SLC6A3: variants seen among roughly 807,000 people sequenced by gnomAD.
SLC6A3 encodes the protein sodium-dependent dopamine transporter.
In SLC6A3, 19 loss-of-function variants were observed where a neutral mutation model predicts 70.4. The observed-to-expected ratio is 0.27, with a 90% CI of 0.19 to 0.40. SLC6A3 has a LOEUF of 0.40. SLC6A3 is among the 10% of genes least tolerant of loss of function. SLC6A3 has a pLI of 1.00. For synonymous variants in SLC6A3, 368 were observed against 356.6 expected (o/e 1.03, Z -0.36); for missense variants, 613 against 838.5 (o/e 0.73, Z 3.32).
rs1342892258 is a variant in SLC6A3 at position 1,413,444 on chromosome 5, A to T, written c.1156+1247T>A. On this transcript the variant is annotated intron_variant, in intron 8 of 14. Transcript: ENST00000270349. This position sits in a 1 kb window ranked among gnomAD's most constrained non-coding sequence, Gnocchi z 7.1. ...GGGTCCTAGTGCCCCACTCTGTGAG[A>T]CTCAGGTGCGGTCAAGGCTGCCCCC... is the stretch of plus-strand genomic sequence containing the variant. Among the ~76,000 whole-genome samples, 1 of 151,930 alleles carries T rather than the reference A, an allele frequency of 6.6e-6. No homozygotes were observed. The highest frequency in any genetic ancestry group is 1.5e-5 in the Non-Finnish European group (1 of 67,980).
At chr5:1,432,381 G>T (rs1756723890) in intron 4 of SLC6A3, 83 bp downstream of exon 4, 4 of 1,003,132 alleles carry the variant, frequency 4.0e-6, no homozygotes, top group Non-Finnish European at 3.1e-6. Flanking sequence ...GAGTCAGCAA[G>T]GGCTGGTGTC....
Position 1,408,015 on chromosome 5 carries a change from T to G in SLC6A3, c.1498+1011A>C, listed in dbSNP as rs2126335975. Among the ~76,000 whole-genome samples, 1 of 152,218 alleles carries G rather than the reference T, an allele frequency of 6.6e-6. No homozygotes were observed. Among genetic ancestry groups the G allele is most frequent in the South Asian group, 2.1e-4 (1 of 4,816 alleles). ...GGATCCACACATTTTTTTTTTTCTT[T>G]TTTGAGACGGAGTCTCACTCTGTTG... On this transcript the variant is annotated intron_variant, in intron 11 of 14. Transcript: ENST00000270349. The surrounding 1 kb of genome is among the most constrained non-coding windows in gnomAD (Gnocchi z 6.4).
At position 1,401,211 on chromosome 5, in the gene SLC6A3, C is replaced by T; in HGVS notation, c.1768-225G>A. ...AGCCAGTCAGGCCCGAAGCCAACAT[C>T]CTGACGGTCCCCTTAAAGTCTAGCG... is the stretch of plus-strand genomic sequence containing the variant. On this transcript the variant is annotated intron_variant, in intron 13 of 14. Transcript: ENST00000270349. This position sits in a 1 kb window ranked among gnomAD's most constrained non-coding sequence, Gnocchi z 6.1. 4.3e-6 allele frequency: 3 copies of T among 696,962 alleles called. No individual in the cohort carries two copies. The highest frequency in any genetic ancestry group is 7.9e-6 in the Non-Finnish European group (3 of 381,532). 43.2% of individuals were successfully genotyped at this position (696,962 alleles called of 1,614,324 possible). A position where few individuals can be genotyped will look rare whatever the true frequency, so the allele number is the denominator to read the frequency against.
intron 4 of SLC6A3, among the ~76,000 whole-genome samples, chr5:1,423,863 A>G (rs1189449869): frequency 6.6e-6 from 1 of 152,116 alleles, no homozygotes; most frequent in African/African-American, 2.4e-5. Context: ...TTATGAAAGG[A>G]GCTCCCACTG....
chr5:1,401,998 G>C lies in SLC6A3; in HGVS notation c.1767+924C>G, dbSNP rs867105588. Among the ~76,000 whole-genome samples the C allele has an allele frequency of 6.6e-6, 1 of 152,210 alleles. No homozygotes were observed. Among genetic ancestry groups the C allele is most frequent in the South Asian group, 2.1e-4 (1 of 4,836 alleles). On this transcript the variant is annotated intron_variant, in intron 13 of 14. Transcript: ENST00000270349. This position sits in a 1 kb window ranked among gnomAD's most constrained non-coding sequence, Gnocchi z 6.1. ...CTGTGCTTTGCCTGCACTGGGCCTT[G>C]GCCTGGCCAGGCTGCTGGAGAGACT...
At chr5:1,412,132 C>G (rs1166279144) in intron 8 of SLC6A3, among the ~76,000 whole-genome samples, 3 of 152,262 alleles carry the variant, frequency 2.0e-5, no homozygotes, top group African/African-American at 4.8e-5. Flanking sequence ...GCCTTCCAGG[C>G]ACATGAGGAA....
At position 1,414,689 on chromosome 5, in the gene SLC6A3, A is replaced by G; in HGVS notation, c.1156+2T>C. 1 of 1,612,310 alleles carries G rather than the reference A, an allele frequency of 6.2e-7. No individual in the cohort carries two copies. The highest frequency in any genetic ancestry group is 8.5e-7 in the Non-Finnish European group (1 of 1,179,708). The stretch of plus-strand genomic sequence containing the variant: ...GGCCCAGGTGCAGCAGGAGGGGCTC[A>G]CCGTCCTTGGCCACGTCCCCGATGG... On this transcript the variant is annotated splice_donor_variant, in intron 8 of 14. Transcript: ENST00000270349. LOFTEE classifies it high-confidence loss of function.
intron 11 of SLC6A3, among the ~76,000 whole-genome samples, chr5:1,407,708 G>GT (rs1339130250): frequency 6.6e-6 from 1 of 152,210 alleles, no homozygotes; most frequent in Non-Finnish European, 1.5e-5. Flanking sequence ...GAAGGTCTAT[G>GT]TTTTGTTCAG....
chr5:1,428,701 C>T (rs1161668766), intron 4 of SLC6A3, among the ~76,000 whole-genome samples: 1 of 152,180 alleles, frequency 6.6e-6, no homozygotes, highest in Non-Finnish European at 1.5e-5. Context: ...CATTTGCCAA[C>T]CCTGAGGAAC....
chr5:1,410,897 T>C (rs949751706), intron 9 of SLC6A3, among the ~76,000 whole-genome samples: 1 of 152,008 alleles, frequency 6.6e-6, no homozygotes, highest in Non-Finnish European at 1.5e-5. Flanking sequence ...TGCATGCATG[T>C]GCATGGTGGT....
chr5:1,410,950 A>ATG (rs367736576), intron 9 of SLC6A3, among the ~76,000 whole-genome samples: 6 of 146,930 alleles, frequency 4.1e-5, no homozygotes, highest in African/African-American at 1.2e-4. Context: ...GTGTGCGTGT[A>ATG]TGTGTGTGTG....
In SLC6A3 at chr5:1,442,611, C is replaced by A. The variant is rs1477992609; in HGVS notation, c.286+301G>T. On this transcript the variant is annotated intron_variant, in intron 2 of 14. Coordinates refer to ENST00000270349, the MANE Select transcript of SLC6A3 (RefSeq NM_001044.5). The surrounding 1 kb of genome is among the most constrained non-coding windows in gnomAD (Gnocchi z 5.0). ...AATTTTCTTTCCAAAGCGAAGATAG[C>A]CTCTGGAAACAGGAGGCAGAGCCAA... is the stretch of plus-strand genomic sequence containing the variant. Among the ~76,000 whole-genome samples the A allele has an allele frequency of 6.6e-6, 1 of 152,128 alleles. No individual in the cohort carries two copies. The highest frequency in any genetic ancestry group is 1.5e-5 in the Non-Finnish European group (1 of 68,010).
chr5:1,421,948 G>C lies in SLC6A3; in HGVS notation c.720C>G (p.Leu240=). 6.2e-7 allele frequency: 1 copy of C among 1,613,178 alleles called. No homozygotes were observed. Among genetic ancestry groups the C allele is most frequent in the Non-Finnish European group, 8.5e-7 (1 of 1,180,004 alleles). Residue 240 remains leucine (L), a synonymous_variant, in exon 5 of 15, where the codon CTC becomes CTG. Coordinates refer to ENST00000270349, the MANE Select transcript of SLC6A3 (RefSeq NM_001044.5). The surrounding 1 kb of genome is among the most constrained non-coding windows in gnomAD (Gnocchi z 7.2). ...IDDLGPPRWQ[L]TACLVLVIVL... ...CGATGACCAGCACCAGGCAGGCTGT[G>C]AGCTGCCACCGCGGAGGCCCCAGGT...
intron 4 of SLC6A3, among the ~76,000 whole-genome samples, chr5:1,430,577 C>T (rs1034995096): frequency 1.3e-5 from 2 of 152,214 alleles, no homozygotes; most frequent in South Asian, 4.1e-4. Context: ...CTCCGGCCTG[C>T]CCGAAGGCTC....
rs1756125035 is a variant in SLC6A3 at position 1,411,492 on chromosome 5, C to A, written c.1157-137G>T. ...GCTGGTGCGGCTCTGCTGAAAAGCC[C>A]CCTTCTATATGTCCAGCAGACCAGG... is the stretch of plus-strand genomic sequence containing the variant. On this transcript the variant is annotated intron_variant, in intron 8 of 14. Coordinates refer to ENST00000270349, the MANE Select transcript of SLC6A3 (RefSeq NM_001044.5). This position sits in a 1 kb window ranked among gnomAD's most constrained non-coding sequence, Gnocchi z 6.5. 8.3e-6 allele frequency: 6 copies of A among 720,836 alleles called. No homozygotes were observed. The highest frequency in any genetic ancestry group is 5.9e-5 in the South Asian group (4 of 67,314). 44.7% of individuals were successfully genotyped at this position (720,836 alleles called of 1,614,324 possible). A position where few individuals can be genotyped will look rare whatever the true frequency, so the allele number is the denominator to read the frequency against.
At chr5:1,427,401 T>C (rs1190211556) in intron 4 of SLC6A3, among the ~76,000 whole-genome samples, 1 of 152,208 alleles carries the variant, frequency 6.6e-6, no homozygotes, top group Admixed American at 6.5e-5. Context: ...TATTAGCTAA[T>C]AGTGTTGATA....
At chr5:1,412,165 G>A (rs1371334521) in intron 8 of SLC6A3, among the ~76,000 whole-genome samples, 1 of 152,236 alleles carries the variant, frequency 6.6e-6, no homozygotes, top group Admixed American at 6.5e-5. Flanking sequence ...CCACCCTCCC[G>A]TGAGGTTAGA....
rs1366255492 is a variant in SLC6A3 at position 1,443,220 on chromosome 5, T to C, written c.-23A>G. 4.3e-6 allele frequency: 7 copies of C among 1,613,302 alleles called. No individual in the cohort carries two copies. The Admixed American group carries it at 1.2e-4, about 27-fold the overall frequency. ...CATGGGCACACTGGGAGTTGAGGAA[T>C]TCTGTGCTTCTTCCCTCTTGGTCTT... On this transcript the variant is annotated 5_prime_UTR_variant, in exon 2 of 15. Coordinates refer to ENST00000270349, the MANE Select transcript of SLC6A3 (RefSeq NM_001044.5).
At chr5:1,418,081 C>T (rs184582456) in intron 6 of SLC6A3, among the ~76,000 whole-genome samples, 208 of 152,308 alleles carry the variant, frequency 1.4e-3, no homozygotes, top group Non-Finnish European at 2.5e-3. Context: ...GGAGCCAAGC[C>T]GAGAGTGGCT....
Sources: allele counts gnomAD v4.1 joint callset (sites outside exome capture counted in the v4.1 genomes callset), GRCh38; gene constraint gnomAD v4.1.1; non-coding constraint Gnocchi (gnomAD v3.1); transcripts MANE v1.5; gene names NCBI Gene and HGNC (gene_info 2026-07-23, HGNC 2026-07-21).